The following EEF1A1 variants were observed in gnomAD, a reference collection of about 807,000 sequenced individuals.
EEF1A1 encodes the protein elongation factor 1-alpha 1.
In EEF1A1, 1 loss-of-function variant was observed where a neutral mutation model predicts 38.5. That is an observed-to-expected ratio of 0.03 (90% CI 0.01 to 0.12). The LOEUF is 0.12. EEF1A1 is among the 10% of genes least tolerant of loss of function. The pLI is 1.00. For synonymous variants in EEF1A1, 229 were observed against 203.7 expected, an observed-to-expected ratio of 1.12 and a Z score of -1.06; for missense variants, 184 against 588.3, an observed-to-expected ratio of 0.31 and a Z score of 7.11.
Position 73,517,686 on chromosome 6 carries a change from G to A in EEF1A1, c.*124C>T. On this transcript the variant is annotated 3_prime_UTR_variant, in exon 8 of 8. Coordinates refer to ENST00000309268, the MANE Select transcript of EEF1A1 (RefSeq NM_001402.6). The stretch of plus-strand genomic sequence containing the variant: ...TCTCCTTTCCTTCTGAAGGTTTTAC[G>A]ATGCATTGTTATCATTAACCAGTCT... 3.8e-6 allele frequency: 2 copies of A among 526,784 alleles called. No homozygotes were observed. The highest frequency in any genetic ancestry group is 3.0e-5 in the East Asian group (1 of 33,174). The allele number at this position is 526,784 out of a possible 1,614,324, so 32.6% of individuals were successfully genotyped here.
Position 73,517,692 on chromosome 6 carries a change from T to C in EEF1A1, c.*118A>G, listed in dbSNP as rs1765554320. On this transcript the variant is annotated 3_prime_UTR_variant, in exon 8 of 8. Transcript: ENST00000309268. The stretch of plus-strand genomic sequence containing the variant: ...TTCCTTCTGAAGGTTTTACGATGCA[T>C]TGTTATCATTAACCAGTCTTTTACT... The C allele has an allele frequency of 7.1e-6, 4 of 565,662 alleles. No homozygotes were observed. The highest frequency in any genetic ancestry group is 9.2e-6 in the Non-Finnish European group (3 of 324,790). The allele number at this position is 565,662 out of a possible 1,614,324, so 35.0% of individuals were successfully genotyped here.
rs759149550 is a variant in EEF1A1, at chr6:73,520,000, G to A, written c.27C>T (p.Asn9=). 4.4e-6 allele frequency: 7 copies of A among 1,599,586 alleles called. No individual in the cohort carries two copies. The highest frequency in any genetic ancestry group is 5.9e-6 in the Non-Finnish European group (7 of 1,179,568). Residue 9 remains asparagine, a synonymous_variant, in exon 2 of 8, where the codon AAC becomes AAT. Coordinates refer to ENST00000309268, the MANE Select transcript of EEF1A1 (RefSeq NM_001402.6). MGKEKTHI[N]IVVIGHVDSG... ...AATCTACGTGTCCAATGACGACAAT[G>A]TTGATATGAGTCTTTTCCTTTCCCA... is the stretch of plus-strand genomic sequence containing the variant.
intron 2 of EEF1A1, 106 bp from the exon 3 acceptor site, chr6:73,519,622 CCA>C (rs1259385622): frequency 7.5e-7 from 1 of 1,327,492 alleles, no homozygotes; most frequent in Non-Finnish European, 1.0e-6. Context: ...AACTCCAAGT[CCA>C]AAGTGATTTT....
chr6:73,518,616 A>G lies in EEF1A1; in HGVS notation c.773-6T>C, dbSNP rs575942425. On this transcript the variant is annotated splice_polypyrimidine_tract_variant and splice_region_variant and intron_variant, in intron 5 of 7. Coordinates refer to ENST00000309268, the MANE Select transcript of EEF1A1 (RefSeq NM_001402.6). ...AACAGGAACAGTACCAATACCTAAA[A>G]ATATTTACAGCATACTAAATACCTA... The G allele has an allele frequency of 6.8e-6, 11 of 1,613,244 alleles. No individual in the cohort carries two copies. In the East Asian group the frequency reaches 2.5e-4, roughly 36 times the overall value.
At position 73,517,190 on chromosome 6, in the gene EEF1A1, C is replaced by CAAA. The variant is rs1765539196; in HGVS notation, c.*619_*620insTTT. On this transcript the variant is annotated 3_prime_UTR_variant, in exon 8 of 8. Coordinates refer to ENST00000309268, the MANE Select transcript of EEF1A1 (RefSeq NM_001402.6). ...CATGCACATCCCAGTAATTTGGAAACATTTTGTTTCCAAAGATTCACTTAA... is the reference window on the plus strand; with the variant it reads ...CATGCACATCCCAGTAATTTGGAAACAAAATTTTGTTTCCAAAGATTCACTTAA... 1 of 152,220 alleles carries CAAA rather than the reference C, an allele frequency of 6.6e-6. No individual in the cohort carries two copies. The highest frequency in any genetic ancestry group is 2.4e-5 in the African/African-American group (1 of 41,442). 9.4% of individuals were successfully genotyped at this position (152,220 alleles called of 1,614,324 possible).
chr6:73,516,085 A>G lies in EEF1A1; in HGVS notation c.*1725T>C, dbSNP rs996313810. 6.6e-6 allele frequency: 1 copy of G among 152,252 alleles called. No homozygotes were observed. The highest frequency in any genetic ancestry group is 2.4e-5 in the African/African-American group (1 of 41,470). 9.4% of individuals were successfully genotyped at this position (152,252 alleles called of 1,614,324 possible). ...TACTTGTGTAAACATTAGATAGCAA[A>G]GAAACTAAGGACAAAAATCTCTAGT... is the stretch of plus-strand genomic sequence containing the variant. On this transcript the variant is annotated 3_prime_UTR_variant, in exon 8 of 8. Transcript: ENST00000309268.
chr6:73,518,860 G>C lies in EEF1A1; in HGVS notation c.622-12C>G, dbSNP rs763482096. 53 of 1,612,968 alleles carry C rather than the reference G, an allele frequency of 3.3e-5. No individual in the cohort carries two copies. Among genetic ancestry groups the C allele is most frequent in the Non-Finnish European group, 3.8e-5 (45 of 1,179,144 alleles). On this transcript the variant is annotated splice_polypyrimidine_tract_variant and intron_variant, in intron 4 of 7. Coordinates refer to ENST00000309268, the MANE Select transcript of EEF1A1 (RefSeq NM_001402.6). The stretch of plus-strand genomic sequence containing the variant: ...TTGAACCAAGGCATCTGAAACACAA[G>C]CATGCCAATTTGTGTAAGCATGAAA...
chr6:73,516,205 A>ATTACAAC lies in EEF1A1; in HGVS notation c.*1604_*1605insGTTGTAA, dbSNP rs1765509482. On this transcript the variant is annotated 3_prime_UTR_variant, in exon 8 of 8. Transcript: ENST00000309268. ...AGGGAAAACGATAACACTTCATTAC[A>ATTACAAC]GACTTGTCTATGGCCAATTCAAGTA... 7.5e-6 allele frequency: 1 copy of ATTACAAC among 134,226 alleles called. No individual in the cohort carries two copies. The highest frequency in any genetic ancestry group is 2.6e-5 in the African/African-American group (1 of 39,090). The allele number at this position is 134,226 out of a possible 1,614,324, so 8.3% of individuals were successfully genotyped here.
At chr6:73,520,249 C>A in intron 1 of EEF1A1, 193 bp from the exon 2 acceptor site, 1 of 520,858 alleles carries the variant, frequency 1.9e-6, no homozygotes, top group Non-Finnish European at 3.3e-6. Context: ...ACGACGTACT[C>A]CAAAAGCTCG....
In EEF1A1 at chr6:73,516,282, T is replaced by G. The variant is rs1427648061; in HGVS notation, c.*1528A>C. ...GCCAGTCACTTTAAGAGGCCTTATC[T>G]CTTGGGCTGCTTTAACTCCTGCTTA... On this transcript the variant is annotated 3_prime_UTR_variant, in exon 8 of 8. Transcript: ENST00000309268. The G allele has an allele frequency of 6.6e-6, 1 of 152,220 alleles. No homozygotes were observed. Among genetic ancestry groups the G allele is most frequent in the Non-Finnish European group, 1.5e-5 (1 of 68,058 alleles). The allele number at this position is 152,220 out of a possible 1,614,324, so 9.4% of individuals were successfully genotyped here. A position where few individuals can be genotyped will look rare whatever the true frequency, so the allele number is the denominator to read the frequency against.
At position 73,516,997 on chromosome 6, in the gene EEF1A1, T is replaced by G. The variant is rs1765533637; in HGVS notation, c.*813A>C. The stretch of plus-strand genomic sequence containing the variant: ...ATTAGAACCTTGTTCCTATTCTGAA[T>G]AGCACTCAATAGAACTTGTGAAACC... On this transcript the variant is annotated 3_prime_UTR_variant, in exon 8 of 8. Transcript: ENST00000309268. The G allele has an allele frequency of 6.6e-6, 1 of 152,224 alleles. No individual in the cohort carries two copies. Among genetic ancestry groups the G allele is most frequent in the South Asian group, 2.1e-4 (1 of 4,834 alleles). 9.4% of individuals were successfully genotyped at this position (152,224 alleles called of 1,614,324 possible). A position where few individuals can be genotyped will look rare whatever the true frequency, so the allele number is the denominator to read the frequency against.
In EEF1A1 at chr6:73,517,759, C is replaced by T. The variant is rs761478115; in HGVS notation, c.*51G>A. 6.3e-5 allele frequency: 64 copies of T among 1,017,646 alleles called. No homozygotes were observed. The highest frequency in any genetic ancestry group is 1.3e-4 in the Admixed American group (5 of 38,874). The allele number at this position is 1,017,646 out of a possible 1,614,324, so 63.0% of individuals were successfully genotyped here. ...CAATTGAAACAAACAGTTCTGAGAC[C>T]GTTCTTCCACCACTGATTAAGAGTG... is the stretch of plus-strand genomic sequence containing the variant. On this transcript the variant is annotated 3_prime_UTR_variant, in exon 8 of 8. Transcript: ENST00000309268.
chr6:73,518,789 C>T lies in EEF1A1; in HGVS notation c.681G>A (p.Thr227=), dbSNP rs750948223. The change falls in exon 5 of 8, where the codon ACG becomes ACA. Residue 227 remains threonine, a synonymous_variant. Transcript: ENST00000309268. ...GGATGCAGTCCAGAGCCTCAAGCAG[C>T]GTGGTTCCACTGGCATTGCCATCCT... is the stretch of plus-strand genomic sequence containing the variant. The part of the protein sequence containing the change: ...TRKDGNASGT[T]LLEALDCILP... The T allele has an allele frequency of 2.2e-5, 36 of 1,614,094 alleles. No homozygotes were observed. Among genetic ancestry groups the T allele is most frequent in the South Asian group, 4.4e-5 (4 of 91,090 alleles).
Position 73,517,066 on chromosome 6 carries a change from C to T in EEF1A1, c.*744G>A, listed in dbSNP as rs1381638936. The T allele has an allele frequency of 1.3e-5, 2 of 152,176 alleles. No homozygotes were observed. Among genetic ancestry groups the T allele is most frequent in the African/African-American group, 2.4e-5 (1 of 41,418 alleles). 9.4% of individuals were successfully genotyped at this position (152,176 alleles called of 1,614,324 possible). A position where few individuals can be genotyped will look rare whatever the true frequency, so the allele number is the denominator to read the frequency against. On this transcript the variant is annotated 3_prime_UTR_variant, in exon 8 of 8. Coordinates refer to ENST00000309268, the MANE Select transcript of EEF1A1 (RefSeq NM_001402.6). The stretch of plus-strand genomic sequence containing the variant: ...TTACTCCACTGACTTCAAAATGGAC[C>T]CTTCCACTCATAGGGTGTACACTAG...
chr6:73,520,509 G>C (rs1286637942), intron 1 of EEF1A1: 1 of 153,570 alleles, frequency 6.5e-6, no homozygotes, highest in Non-Finnish European at 1.5e-5. Context: ...GCGAGGCCAG[G>C]CACCAGAGCA....
In EEF1A1 at chr6:73,516,712, G is replaced by A. The variant is rs1312497641; in HGVS notation, c.*1098C>T. 1 of 151,566 alleles carries A rather than the reference G, an allele frequency of 6.6e-6. No individual in the cohort carries two copies. The highest frequency in any genetic ancestry group is 2.0e-4 in the East Asian group (1 of 5,128). The allele number at this position is 151,566 out of a possible 1,614,324, so 9.4% of individuals were successfully genotyped here. A position where few individuals can be genotyped will look rare whatever the true frequency, so the allele number is the denominator to read the frequency against. ...AAAACCTTTAGACACTTTTACATAT[G>A]GGAGGTCAGGCACAGTGGCTCATGC... On this transcript the variant is annotated 3_prime_UTR_variant, in exon 8 of 8. Transcript: ENST00000309268.
At position 73,517,043 on chromosome 6, in the gene EEF1A1, ACTC is replaced by A. The variant is rs1765535685; in HGVS notation, c.*764_*766del. The A allele has an allele frequency of 6.6e-6, 1 of 152,202 alleles. No individual in the cohort carries two copies. 9.4% of individuals were successfully genotyped at this position (152,202 alleles called of 1,614,324 possible). On this transcript the variant is annotated 3_prime_UTR_variant, in exon 8 of 8. Coordinates refer to ENST00000309268, the MANE Select transcript of EEF1A1 (RefSeq NM_001402.6). ...AAACCATCAAACTGGCATAAAGCTT[ACTC>A]CACTGACTTCAAAATGGACCCTTCC...
rs1211359947 is a variant in EEF1A1, at chr6:73,519,411, T to C, written c.250A>G (p.Lys84Glu). The C allele has an allele frequency of 6.2e-7, 1 of 1,609,030 alleles. No individual in the cohort carries two copies. The highest frequency in any genetic ancestry group is 8.5e-7 in the Non-Finnish European group (1 of 1,179,778). ...GCATCAATGATAGTCACATAGTACT[T>C]GCTGGTCTCAAATTTCCACAAGGAG... ...DISLWKFETS[K>E]YYVTIIDAPG... The change falls in exon 3 of 8, where the codon AAG becomes GAG. Residue 84 changes from lysine (K) to glutamate (E), a missense_variant. Physicochemically the swap from Lys to Glu is moderately conservative, Grantham distance 56 (BLOSUM62 1). Coordinates refer to ENST00000309268, the MANE Select transcript of EEF1A1 (RefSeq NM_001402.6).
chr6:73,518,530 C>G lies in EEF1A1; in HGVS notation c.853G>C (p.Val285Leu). 3.7e-6 allele frequency: 6 copies of G among 1,613,982 alleles called. No homozygotes were observed. The highest frequency in any genetic ancestry group is 5.1e-6 in the Non-Finnish European group (6 of 1,179,880). The stretch of plus-strand genomic sequence containing the variant: ...TCGACAGATTTTACTTCCGTTGTAA[C>G]GTTGACTGGAGCAAAGGTGACCACC... ...GMVVTFAPVN[V>L]TTEVKSVEMH... Residue 285 changes from valine (V) to leucine (L), a missense_variant, in exon 6 of 8, where the codon GTT becomes CTT. Val to Leu is a conservative substitution (Grantham distance 32, BLOSUM62 1). Transcript: ENST00000309268.
Sources: allele counts gnomAD v4.1 joint callset, GRCh38; gene constraint gnomAD v4.1.1; transcripts MANE v1.5; gene names NCBI Gene and HGNC (gene_info 2026-07-23, HGNC 2026-07-21).